The following SDK1 variants were observed in gnomAD, a reference collection of about 807,000 sequenced individuals.
SDK1 encodes protein sidekick-1.
SDK1 carries 157 observed loss-of-function variants against 245.5 expected under a neutral mutation model. That is an observed-to-expected ratio of 0.64 (90% confidence interval 0.56 to 0.73). The LOEUF (loss-of-function observed/expected upper bound fraction) is 0.73. SDK1 is among the 30% of genes least tolerant of loss of function. The pLI is 0.00. For synonymous variants in SDK1, 1,647 were observed against 1,278.5 expected, an observed-to-expected ratio of 1.29 and a Z score of -6.15; for missense variants, 3,583 against 3,002.3, an observed-to-expected ratio of 1.19 and a Z score of -4.52.
intron 5 of SDK1, among the ~76,000 whole-genome samples, chr7:3,905,732 C>T (rs536240753): frequency 1.3e-5 from 2 of 151,870 alleles, no homozygotes; most frequent in Non-Finnish European, 2.9e-5. Flanking sequence ...AAGCAATCTT[C>T]TAGACTCAGC....
At chr7:3,894,678 G>A (rs1781551894) in intron 5 of SDK1, among the ~76,000 whole-genome samples, 2 of 151,526 alleles carry the variant, frequency 1.3e-5, no homozygotes, top group South Asian at 2.1e-4. Context: ...TGAAACTAAA[G>A]CAGAGTAATA....
chr7:3,836,604 T>C (rs929147505), intron 5 of SDK1, among the ~76,000 whole-genome samples: 4 of 152,158 alleles, frequency 2.6e-5, no homozygotes, highest in African/African-American at 9.7e-5. Flanking sequence ...CAGGCTAAGA[T>C]TCAGAAACAT....
At chr7:3,566,416 G>A (rs913814314) in intron 1 of SDK1, among the ~76,000 whole-genome samples, 5 of 151,914 alleles carry the variant, frequency 3.3e-5, no homozygotes, top group South Asian at 2.1e-4. Flanking sequence ...CAGTAGAGAC[G>A]GGGTTTCACT....
chr7:3,661,529 C>T (rs1783355341), intron 4 of SDK1, among the ~76,000 whole-genome samples: 1 of 152,056 alleles, frequency 6.6e-6, no homozygotes, highest in Admixed American at 6.6e-5. Flanking sequence ...TGATTTAGTC[C>T]TTTCTTTGAT....
In SDK1 at chr7:3,301,437, A is replaced by G. The variant is rs868854650; in HGVS notation, c.-150A>G. 0.042 allele frequency: 6,495 copies of G among 155,934 alleles called. 430 individuals carry two copies. The highest frequency in any genetic ancestry group is 0.14 in the African/African-American group (5,765 of 40,092). The allele number at this position is 155,934 out of a possible 1,614,324, so 9.7% of individuals were successfully genotyped here. Reference sequence around the variant, plus strand: ...CGCCGCGCCCCTCACGCGGGGACCCAGGACGCCGCCCCTCAGCGCTGGGCG... The same window carrying G: ...CGCCGCGCCCCTCACGCGGGGACCCGGGACGCCGCCCCTCAGCGCTGGGCG... On this transcript the variant is annotated 5_prime_UTR_variant, in exon 1 of 45. Coordinates refer to ENST00000404826, the MANE Select transcript of SDK1 (RefSeq NM_152744.4).
rs149154379 is a variant in SDK1 at position 3,317,110 on chromosome 7, G to A, written c.298+15226G>A. ...GTGGGAGAATCACTTGAGCCTGGGA[G>A]GTCAAGTCTGCAGTGAGCCATGACC... On this transcript the variant is annotated intron_variant, in intron 1 of 44. Coordinates refer to ENST00000404826, the MANE Select transcript of SDK1 (RefSeq NM_152744.4). Among the ~76,000 whole-genome samples, 910 of 145,340 alleles carry A rather than the reference G, an allele frequency of 6.3e-3. 10 individuals carry two copies. The highest frequency in any genetic ancestry group is 0.022 in the African/African-American group (853 of 39,302).
At chr7:3,927,305 A>G (rs1298178616) in intron 5 of SDK1, among the ~76,000 whole-genome samples, 1 of 152,122 alleles carries the variant, frequency 6.6e-6, no homozygotes, top group African/African-American at 2.4e-5. Flanking sequence ...AATTCAGGAA[A>G]TGTTGGGCCC....
intron 5 of SDK1, among the ~76,000 whole-genome samples, chr7:3,830,055 A>G (rs1015141482): frequency 2.0e-5 from 3 of 152,186 alleles, no homozygotes; most frequent in Non-Finnish European, 1.5e-5. Context: ...AAAGTAAGAC[A>G]TGATCTGTCC....
intron 1 of SDK1, among the ~76,000 whole-genome samples, chr7:3,511,784 T>C (rs1782587890): frequency 7.4e-6 from 1 of 134,234 alleles, no homozygotes; most frequent in East Asian, 2.2e-4. Flanking sequence ...GCAGCCACTG[T>C]TTTTTTTGTT....
At chr7:3,469,880 A>G (rs1248258173) in intron 1 of SDK1, among the ~76,000 whole-genome samples, 1 of 152,232 alleles carries the variant, frequency 6.6e-6, no homozygotes, top group Non-Finnish European at 1.5e-5. Flanking sequence ...GTTTCTCTGA[A>G]TTAAGACATA....
intron 1 of SDK1, among the ~76,000 whole-genome samples, chr7:3,361,529 C>T (rs1478340046): frequency 6.6e-6 from 1 of 152,172 alleles, no homozygotes; most frequent in African/African-American, 2.4e-5. Context: ...TCTATTTGTT[C>T]TCCGCCCTGT....
intron 35 of SDK1, 47 bp from the exon 36 acceptor site, chr7:4,205,832 G>A (rs754356867): frequency 2.7e-6 from 4 of 1,463,428 alleles, no homozygotes; most frequent in Non-Finnish European, 2.8e-6. Context: ...GTCCGGGCCG[G>A]CTCTGAATGA....
At chr7:4,005,225 T>A (rs971906027) in intron 14 of SDK1, among the ~76,000 whole-genome samples, 1 of 151,696 alleles carries the variant, frequency 6.6e-6, no homozygotes, top group Admixed American at 6.6e-5. Context: ...TTTTGTATTT[T>A]TAGTAGAGAC....
intron 4 of SDK1, among the ~76,000 whole-genome samples, chr7:3,651,025 T>C (rs1260174785): frequency 1.3e-5 from 2 of 152,178 alleles, no homozygotes; most frequent in African/African-American, 4.8e-5. Context: ...TAAACATTCT[T>C]GTTCCTTTTT....
intron 9 of SDK1, among the ~76,000 whole-genome samples, chr7:3,965,514 A>G (rs1355460023): frequency 1.3e-5 from 2 of 152,200 alleles, no homozygotes; most frequent in Non-Finnish European, 2.9e-5. Context: ...TTTTAATTAA[A>G]ATACCCTTAA....
At chr7:3,387,309 C>T (rs977520030) in intron 1 of SDK1, among the ~76,000 whole-genome samples, 2 of 152,170 alleles carry the variant, frequency 1.3e-5, no homozygotes, top group Admixed American at 6.5e-5. Flanking sequence ...TCCCCACCAA[C>T]CCCTGAATTC....
At chr7:3,953,596 T>C (rs1308031570) in intron 7 of SDK1, among the ~76,000 whole-genome samples, 1 of 152,230 alleles carries the variant, frequency 6.6e-6, no homozygotes, top group Non-Finnish European at 1.5e-5. Flanking sequence ...TAGACAGGAC[T>C]ATACCGTGTT....
intron 1 of SDK1, among the ~76,000 whole-genome samples, chr7:3,406,253 G>A (rs989964537): frequency 4.6e-5 from 7 of 152,168 alleles, no homozygotes; most frequent in Non-Finnish European, 1.0e-4. Flanking sequence ...CATAGAATTT[G>A]GATGTGTATA....
At chr7:3,306,364 T>C (rs921659439) in intron 1 of SDK1, among the ~76,000 whole-genome samples, 1 of 152,160 alleles carries the variant, frequency 6.6e-6, no homozygotes, top group Admixed American at 6.6e-5. Context: ...TCCAGCTTCA[T>C]GATGGTCTGT....
Sources: gnomAD v4.1 joint callset for allele counts (sites outside exome capture counted in the v4.1 genomes callset) on GRCh38, gnomAD v4.1.1 for gene constraint, MANE v1.5 for transcripts, NCBI Gene and HGNC (gene_info 2026-07-23, HGNC 2026-07-21) for gene names.